The following CPNE4 variants were observed in gnomAD, a reference collection of about 807,000 sequenced individuals.
CPNE4 encodes the protein copine-4.
CPNE4 carries 25 observed loss-of-function variants against 67.9 expected under a neutral mutation model. That is an observed-to-expected ratio of 0.37 (90% CI 0.27 to 0.51). CPNE4 has a LOEUF of 0.51. CPNE4 is among the 20% of genes least tolerant of loss of function. The probability of loss-of-function intolerance (pLI) is 0.93; values close to 1 mark genes in which losing one functional copy is unlikely to be tolerated. For missense variants in CPNE4, 464 were observed against 690.8 expected, an observed-to-expected ratio of 0.67 and a Z score of 3.68; for synonymous variants, 242 against 244.9, an observed-to-expected ratio of 0.99 and a Z score of 0.11.
At chr3:131,909,100 A>T (rs59299676) in intron 1 of CPNE4, among the ~76,000 whole-genome samples, 1,947 of 152,186 alleles carry the variant, frequency 0.013, 33 homozygotes, top group African/African-American at 0.042. Context: ...AACCTGTACA[A>T]TCTGAGCATA....
Position 131,547,498 on chromosome 3 carries a change from A to C in CPNE4, c.1302+2449T>G, listed in dbSNP as rs1446005732. ...AAAAAAAAAAAAAAAAAAAAAAAAAAAAACCTAATAGTGTTCATGGCTTCT... is the reference window on the plus strand; with the variant it reads ...AAAAAAAAAAAAAAAAAAAAAAAAACAAACCTAATAGTGTTCATGGCTTCT... On this transcript the variant is annotated intron_variant, in intron 14 of 15. Transcript: ENST00000429747. 3.5e-5 allele frequency among the ~76,000 whole-genome samples: 4 copies of C among 112,872 alleles called. 1 individual carries two copies. The highest frequency in any genetic ancestry group is 5.5e-5 in the Non-Finnish European group (3 of 54,832). The allele number at this position is 112,872 out of a possible 152,430, so 74.0% of individuals were successfully genotyped here. A position where few individuals can be genotyped will look rare whatever the true frequency, so the allele number is the denominator to read the frequency against.
intron 1 of CPNE4, among the ~76,000 whole-genome samples, chr3:132,014,869 G>T (rs2073854977): frequency 6.6e-6 from 1 of 152,002 alleles, no homozygotes; most frequent in African/African-American, 2.4e-5. Flanking sequence ...ATTGACTTTT[G>T]TTTAACCAAG....
At chr3:131,864,129 T>G (rs2086823849) in intron 2 of CPNE4, among the ~76,000 whole-genome samples, 1 of 151,714 alleles carries the variant, frequency 6.6e-6, no homozygotes, top group African/African-American at 2.4e-5. Flanking sequence ...TAGTTTGAAG[T>G]CAGGTAGCGT....
chr3:131,648,364 C>A (rs1453978332), intron 7 of CPNE4, among the ~76,000 whole-genome samples: 2 of 152,182 alleles, frequency 1.3e-5, no homozygotes, highest in South Asian at 2.1e-4. Flanking sequence ...CAGAGCAAGA[C>A]CCTGTCTCAA....
chr3:131,869,640 G>T (rs940058196), intron 2 of CPNE4, among the ~76,000 whole-genome samples: 4 of 152,052 alleles, frequency 2.6e-5, no homozygotes, highest in African/African-American at 9.7e-5. Flanking sequence ...CTGAGTTTTT[G>T]AACAATGCAT....
intron 10 of CPNE4, among the ~76,000 whole-genome samples, chr3:131,572,965 T>C (rs1303437817): frequency 6.6e-6 from 1 of 152,072 alleles, no homozygotes; most frequent in Non-Finnish European, 1.5e-5. Flanking sequence ...TAAGACACGA[T>C]ACTTTTTCTT....
intron 14 of CPNE4, among the ~76,000 whole-genome samples, chr3:131,545,407 T>C (rs921852424): frequency 1.3e-5 from 2 of 152,200 alleles, no homozygotes; most frequent in South Asian, 2.1e-4. Flanking sequence ...AAACTTGGGG[T>C]AAATTACATT....
At chr3:131,840,602 C>G (rs1447472512) in intron 2 of CPNE4, among the ~76,000 whole-genome samples, 1 of 152,150 alleles carries the variant, frequency 6.6e-6, no homozygotes, top group Non-Finnish European at 1.5e-5. Flanking sequence ...CAGACACCAC[C>G]CTGAGTTCTT....
At chr3:131,609,412 A>G (rs1273819938) in intron 7 of CPNE4, among the ~76,000 whole-genome samples, 1 of 152,154 alleles carries the variant, frequency 6.6e-6, no homozygotes, top group East Asian at 1.9e-4. Context: ...TCTGGACTAA[A>G]GTAGTTAGGA....
intron 2 of CPNE4, among the ~76,000 whole-genome samples, chr3:131,832,397 C>T (rs559918113): frequency 6.6e-6 from 1 of 152,144 alleles, no homozygotes; most frequent in African/African-American, 2.4e-5. Context: ...AGTGGGGGAC[C>T]ATTGCCTTTC....
At chr3:132,016,122 T>C (rs955849039) in intron 1 of CPNE4, among the ~76,000 whole-genome samples, 22 of 152,224 alleles carry the variant, frequency 1.4e-4, no homozygotes, top group Non-Finnish European at 1.3e-4. Flanking sequence ...CTTTCAATCC[T>C]GAGCTGTGCA....
intron 3 of CPNE4, among the ~76,000 whole-genome samples, chr3:131,715,391 G>A (rs189749760): frequency 6.6e-6 from 1 of 152,318 alleles, no homozygotes; most frequent in Non-Finnish European, 1.5e-5. Flanking sequence ...ACTCCAATTT[G>A]ACTTTGCATT....
intron 9 of CPNE4, among the ~76,000 whole-genome samples, chr3:131,578,648 A>G (rs1937614254): frequency 6.6e-6 from 1 of 152,206 alleles, no homozygotes; most frequent in Non-Finnish European, 1.5e-5. Flanking sequence ...AAATTAAAAC[A>G]GTGAATATAC....
intron 1 of CPNE4, among the ~76,000 whole-genome samples, chr3:131,999,716 G>A (rs572077306): frequency 8.6e-5 from 13 of 151,860 alleles, no homozygotes; most frequent in Non-Finnish European, 1.8e-4. Flanking sequence ...TGGTAGAACT[G>A]GCACTGGTTT....
At chr3:131,686,677 G>A (rs891541735) in intron 5 of CPNE4, among the ~76,000 whole-genome samples, 4 of 152,242 alleles carry the variant, frequency 2.6e-5, no homozygotes, top group African/African-American at 9.6e-5. Context: ...CACGAGGGGT[G>A]TTCTTCCTTG....
chr3:131,905,585 C>T (rs770642108), intron 1 of CPNE4, 141 bp from the exon 2 acceptor site: 5 of 714,174 alleles, frequency 7.0e-6, no homozygotes, highest in Non-Finnish European at 1.1e-5. Flanking sequence ...CACTTTCCAA[C>T]CCAGTGACAC....
intron 2 of CPNE4, among the ~76,000 whole-genome samples, chr3:131,858,466 T>C (rs2086541470): frequency 2.6e-5 from 4 of 152,180 alleles, no homozygotes; most frequent in South Asian, 4.1e-4. Context: ...CACAATGAGA[T>C]AGTGTTTGAT....
At chr3:131,987,420 CTT>C (rs1239172943) in intron 1 of CPNE4, among the ~76,000 whole-genome samples, 3 of 147,144 alleles carry the variant, frequency 2.0e-5, no homozygotes, top group Non-Finnish European at 3.0e-5. Context: ...GAGTTTGGCT[CTT>C]GTCACACAGG....
At chr3:131,657,863 C>T (rs1267585299) in intron 7 of CPNE4, among the ~76,000 whole-genome samples, 4 of 151,864 alleles carry the variant, frequency 2.6e-5, no homozygotes, top group Admixed American at 6.6e-5. Context: ...CGTGCCCGGC[C>T]GAATTATCTA....
Sources: gnomAD v4.1 joint callset for allele counts (sites outside exome capture counted in the v4.1 genomes callset) on GRCh38, gnomAD v4.1.1 for gene constraint, MANE v1.5 for transcripts, NCBI Gene and HGNC (gene_info 2026-07-23, HGNC 2026-07-21) for gene names.